The following TRIM66 variants were observed in gnomAD, a reference collection of about 807,000 sequenced individuals.
TRIM66 encodes the protein tripartite motif containing 66.
TRIM66 carries 99 observed loss-of-function variants against 148.2 expected under a neutral mutation model. The ratio of observed to expected loss-of-function variants is 0.67; its 90% confidence interval spans 0.57 to 0.79. The LOEUF is 0.79. TRIM66 is among the 30% of genes least tolerant of loss of function. The pLI is 0.00. For synonymous variants in TRIM66, 616 were observed against 635.9 expected (o/e 0.97, Z 0.47); for missense variants, 1,666 against 1,697.9 (o/e 0.98, Z 0.33).
intron 6 of TRIM66, among the ~76,000 whole-genome samples, chr11:8,656,163 C>T (rs2037811963): frequency 6.6e-6 from 1 of 152,188 alleles, no homozygotes. Context: ...AAGAGATTCT[C>T]CATCTTTTAA....
At chr11:8,683,173 G>T, upstream of TRIM66, 1 of 1,612,178 alleles carries the variant, frequency 6.2e-7, no homozygotes. Flanking sequence ...TAATTCCTTA[G>T]GCCTTACCAC....
intron 15 of TRIM66, among the ~76,000 whole-genome samples, chr11:8,629,428 C>T (rs1466480339): frequency 6.6e-6 from 1 of 152,098 alleles, no homozygotes; most frequent in Non-Finnish European, 1.5e-5. Context: ...ATCCTTGTTG[C>T]CAAGCATTAA....
chr11:8,636,677 T>G (rs939808843), intron 15 of TRIM66, among the ~76,000 whole-genome samples: 10 of 152,138 alleles, frequency 6.6e-5, no homozygotes, highest in Non-Finnish European at 1.5e-5. Flanking sequence ...CTTTGCTTCC[T>G]CTCCATTCCT....
intron 12 of TRIM66, 98 bp downstream of exon 12, chr11:8,645,642 GA>G: frequency 1.4e-6 from 2 of 1,404,906 alleles, no homozygotes; most frequent in Non-Finnish European, 1.9e-6. Flanking sequence ...ATCCTAAAAA[GA>G]AAAGGCACTT....
At chr11:8,631,664 T>C (rs1417771647) in intron 15 of TRIM66, among the ~76,000 whole-genome samples, 1 of 152,218 alleles carries the variant, frequency 6.6e-6, no homozygotes, top group Non-Finnish European at 1.5e-5. Flanking sequence ...TTCTCCCTTG[T>C]TAGCTGCCCT....
chr11:8,621,374 G>A lies in TRIM66; in HGVS notation c.3256-53C>T, dbSNP rs1455534850. On this transcript the variant is annotated intron_variant, in intron 19 of 24. Coordinates refer to ENST00000646038, the MANE Select transcript of TRIM66 (RefSeq NM_001388022.1). ...CAGAGCACAGAACCAACAAGCTCTC[G>A]AGGGAGGGGAGGGAGAGACTGGCAG... The A allele has an allele frequency of 8.7e-6, 13 of 1,497,142 alleles. No homozygotes were observed. In the African/African-American group the frequency reaches 1.3e-4, roughly 14 times the overall value. The allele number at this position is 1,497,142 out of a possible 1,614,324, so 92.7% of individuals were successfully genotyped here. A position where few individuals can be genotyped will look rare whatever the true frequency, so the allele number is the denominator to read the frequency against.
intron 6 of TRIM66, among the ~76,000 whole-genome samples, chr11:8,663,866 C>T (rs924819861): frequency 6.6e-6 from 1 of 151,828 alleles, no homozygotes; most frequent in East Asian, 1.9e-4. Context: ...GTGAAATAAG[C>T]CAGGTACGGA....
In TRIM66 at chr11:8,672,514, T is replaced by C. The variant is rs868835579; in HGVS notation, c.-111-129A>G. 7 of 1,057,888 alleles carry C rather than the reference T, an allele frequency of 6.6e-6. No homozygotes were observed. The Middle Eastern group carries it at 1.8e-3, about 275-fold the overall frequency. 65.5% of individuals were successfully genotyped at this position (1,057,888 alleles called of 1,614,324 possible). A position where few individuals can be genotyped will look rare whatever the true frequency, so the allele number is the denominator to read the frequency against. Reference sequence around the variant, plus strand: ...TTAAATAAAACCAAGAGGGACAGGCTGAGGAAACAGTGTTAGAGAGGCTGG... The same window carrying C: ...TTAAATAAAACCAAGAGGGACAGGCCGAGGAAACAGTGTTAGAGAGGCTGG... On this transcript the variant is annotated intron_variant, in intron 4 of 24. Transcript: ENST00000646038.
At position 8,672,396 on chromosome 11, in the gene TRIM66, A is replaced by T; in HGVS notation, c.-111-11T>A. ...GTAGACAAGCTTGACCTAAGTTTCA[A>T]TTTTGGAAAAAGGAAGAAAATTGCA... On this transcript the variant is annotated splice_polypyrimidine_tract_variant and intron_variant, in intron 4 of 24. Coordinates refer to ENST00000646038, the MANE Select transcript of TRIM66 (RefSeq NM_001388022.1). The T allele has an allele frequency of 6.7e-7, 1 of 1,491,506 alleles. No individual in the cohort carries two copies. Among genetic ancestry groups the T allele is most frequent in the Admixed American group, 2.4e-5 (1 of 41,384 alleles). 92.4% of individuals were successfully genotyped at this position (1,491,506 alleles called of 1,614,324 possible).
intron 6 of TRIM66, among the ~76,000 whole-genome samples, chr11:8,660,118 T>A (rs941819445): frequency 1.3e-5 from 2 of 152,188 alleles, no homozygotes; most frequent in Non-Finnish European, 2.9e-5. Context: ...GACCTCAGGA[T>A]ATGTGACCAT....
chr11:8,656,249 A>G (rs1017709977), intron 6 of TRIM66, among the ~76,000 whole-genome samples: 1 of 152,264 alleles, frequency 6.6e-6, no homozygotes, highest in Admixed American at 6.5e-5. Context: ...TCAAACATCT[A>G]CTTAACAATA....
intron 16 of TRIM66, 54 bp from the exon 17 acceptor site, chr11:8,624,605 T>TA: frequency 6.7e-7 from 1 of 1,495,062 alleles, no homozygotes; most frequent in Non-Finnish European, 8.9e-7. Flanking sequence ...TGGTTGTCAT[T>TA]AGTGGTCTCA....
In TRIM66 at chr11:8,619,062, C is replaced by T. The variant is rs552144818; in HGVS notation, c.3901-94G>A. The T allele has an allele frequency of 1.4e-5, 17 of 1,189,010 alleles. No individual in the cohort carries two copies. In the African/African-American group the frequency reaches 1.8e-4, roughly 13 times the overall value. The allele number at this position is 1,189,010 out of a possible 1,614,324, so 73.7% of individuals were successfully genotyped here. A position where few individuals can be genotyped will look rare whatever the true frequency, so the allele number is the denominator to read the frequency against. ...GAGCTACACAGAGCACAAAGCCTAG[C>T]GGGGTGTCCTGAGGTGTCTGGAACT... On this transcript the variant is annotated intron_variant, in intron 23 of 24. Coordinates refer to ENST00000646038, the MANE Select transcript of TRIM66 (RefSeq NM_001388022.1).
chr11:8,657,192 C>G (rs2037903186), intron 6 of TRIM66, among the ~76,000 whole-genome samples: 1 of 152,176 alleles, frequency 6.6e-6, no homozygotes, highest in Non-Finnish European at 1.5e-5. Context: ...ATCGGGTCAG[C>G]TTAGGCCACC....
rs774723105 is a variant in TRIM66 at position 8,640,465 on chromosome 11, T to C, written c.1910A>G (p.Gln637Arg). The C allele has an allele frequency of 6.5e-7, 1 of 1,546,454 alleles. No individual in the cohort carries two copies. Among genetic ancestry groups the C allele is most frequent in the East Asian group, 2.5e-5 (1 of 40,376 alleles). The change falls in exon 14 of 25, where the codon CAG (glutamine) becomes CGG (arginine). Residue 637 changes from glutamine (Q) to arginine (R), a missense_variant. This residue lies in a region of TRIM66 where 1,431 missense variants were observed against 1,412.4 expected (regional missense o/e 1.01). Transcript: ENST00000646038. ...LPPSQHLASS[Q>R]HESPPGPACS... is the part of the protein sequence containing the mutation. ...GGCAGGGCCAGGAGGGCTCTCGTGCTGACTAGAAGCCAGATGCTGGGATGG... is the reference window on the plus strand; with the variant it reads ...GGCAGGGCCAGGAGGGCTCTCGTGCCGACTAGAAGCCAGATGCTGGGATGG...
At chr11:8,622,923 C>T in intron 17 of TRIM66, 47 bp from the exon 18 acceptor site, 1 of 1,488,696 alleles carries the variant, frequency 6.7e-7, no homozygotes. Context: ...TTTGTGGCAA[C>T]AAACCCCGTC....
At chr11:8,682,795 T>C (rs1240725670), upstream of TRIM66, 6 of 1,613,470 alleles carry the variant, frequency 3.7e-6, no homozygotes, top group Non-Finnish European at 5.1e-6. Context: ...GGCCTTCCTT[T>C]TTCGTCTGGG....
intron 13 of TRIM66, 73 bp from the exon 14 acceptor site, chr11:8,641,225 G>T: frequency 7.4e-7 from 1 of 1,344,046 alleles, no homozygotes; most frequent in Non-Finnish European, 1.0e-6. Context: ...CTGCTCCTGG[G>T]ACAAAAGAAC....
rs527479292 is a variant in TRIM66 at position 8,624,953 on chromosome 11, C to G, written c.2586G>C (p.Leu862=). 6.4e-7 allele frequency: 1 copy of G among 1,551,698 alleles called. No homozygotes were observed. Among genetic ancestry groups the G allele is most frequent in the South Asian group, 1.2e-5 (1 of 84,062 alleles). ...CCATAGCCTGAGGGGAGTCACTTAT[C>G]AGGTTGGGCATGGACTGGAATGTGC... ...VHSTFQSMPN[L]ISDSPQAMAS... is the part of the protein sequence containing the mutation. The change falls in exon 16 of 25, where the codon CTG becomes CTC. Residue 862 remains leucine (L), a synonymous_variant. Transcript: ENST00000646038.
Sources: gnomAD v4.1 joint callset for allele counts (sites outside exome capture counted in the v4.1 genomes callset) on GRCh38, gnomAD v4.1.1 for gene constraint, gnomAD v4.1.1 regional missense constraint, MANE v1.5 for transcripts, NCBI Gene and HGNC (gene_info 2026-07-23, HGNC 2026-07-21) for gene names.